Variants in TAF6 observed in about 807,000 individuals in gnomAD.
TAF6 encodes TATA-box binding protein associated factor 6, also known as transcription initiation factor TFIID subunit 6.
TAF6 carries 50 observed loss-of-function variants against 73.5 expected under a neutral mutation model. The ratio of observed to expected loss-of-function variants is 0.68; its 90% CI spans 0.54 to 0.86. The LOEUF (loss-of-function observed/expected upper bound fraction) is 0.86. Among genes scored for constraint, TAF6 ranks in the 40% least tolerant of loss-of-function variants. The pLI is 0.00. For missense variants in TAF6, 768 were observed against 899.5 expected (o/e 0.85, Z 1.87); for synonymous variants, 424 against 376.7 (o/e 1.13, Z -1.45).
intron 5 of TAF6, 90 bp downstream of exon 5, chr7:100,113,259 G>A: frequency 7.9e-7 from 1 of 1,265,298 alleles, no homozygotes; most frequent in Non-Finnish European, 1.1e-6. Flanking sequence ...CTCCAGCACA[G>A]GCAACAGAGT....
upstream of TAF6, chr7:100,119,581 C>T (rs941376095): frequency 1.6e-5 from 23 of 1,461,608 alleles, no homozygotes; most frequent in Admixed American, 5.9e-4. Context: ...GGCAGGGAAA[C>T]CCGTAGCAAC....
intron 3 of TAF6, 22 bp downstream of exon 3, chr7:100,113,846 C>G (rs201261139): frequency 1.9e-4 from 304 of 1,613,136 alleles, no homozygotes; most frequent in South Asian, 4.8e-4. Flanking sequence ...TCACCCCCCC[C>G]CCGCCTGTCT....
chr7:100,113,991 C>T lies in TAF6; in HGVS notation c.157-37G>A, dbSNP rs4134898. 194,952 of 1,614,032 alleles carry T rather than the reference C, an allele frequency of 0.12. 13,185 individuals carry two copies. The highest frequency in any genetic ancestry group is 0.14 in the Non-Finnish European group (159,441 of 1,179,958). On this transcript the variant is annotated intron_variant, in intron 2 of 14. Transcript: ENST00000453269. ...GACAGAACAGACATCAGCCCAAAAT[C>T]CTAAGGACGGGGCCCTGGGTGACAT...
intron 5 of TAF6, 25 bp downstream of exon 5, chr7:100,113,324 C>T (rs1191059897): frequency 1.3e-6 from 2 of 1,562,728 alleles, no homozygotes; most frequent in Non-Finnish European, 1.7e-6. Context: ...ACCCAGAGAC[C>T]CAGAGGGTGG....
intron 5 of TAF6, 80 bp downstream of exon 5, chr7:100,113,269 T>A (rs1209302615): frequency 2.2e-6 from 3 of 1,339,364 alleles, no homozygotes; most frequent in African/African-American, 1.5e-5. Flanking sequence ...GGCAACAGAG[T>A]GAGACTCTGT....
At chr7:100,123,104 G>A (rs2116899425), upstream of TAF6, among the ~76,000 whole-genome samples, 1 of 152,286 alleles carries the variant, frequency 6.6e-6, no homozygotes, top group Non-Finnish European at 1.5e-5. Flanking sequence ...CAATTTGGGA[G>A]GCTGAGGCAG....
chr7:100,121,822 G>A (rs928028350), upstream of TAF6, among the ~76,000 whole-genome samples: 17 of 151,264 alleles, frequency 1.1e-4, no homozygotes, highest in South Asian at 2.1e-4. Flanking sequence ...AGGCCAAGGC[G>A]GGCGGATCAC....
In TAF6 at chr7:100,108,464, G is replaced by T; in HGVS notation, c.1361C>A (p.Ser454Tyr). ...NQDAYRAEFGSLGPLLCSQVV... is the reference protein window; with the variant it reads ...NQDAYRAEFGYLGPLLCSQVV... ...CTGGGAGCAGAGGAGGGGCCCAAGG[G>T]ACCCGAATTCTGCCCGATAGGCGTC... Residue 454 changes from serine (S) to tyrosine (Y), a missense_variant, in exon 13 of 15, where the codon TCC (serine) becomes TAC (tyrosine). This residue lies in a region of TAF6 where 350 missense variants were observed against 352.3 expected (regional missense o/e 0.99). Transcript: ENST00000453269. The T allele has an allele frequency of 6.2e-7, 1 of 1,614,044 alleles. No homozygotes were observed. The highest frequency in any genetic ancestry group is 1.1e-5 in the South Asian group (1 of 91,064).
chr7:100,118,941 C>T (rs940224964), intron 1 of TAF6: 1 of 985,360 alleles, frequency 1.0e-6, no homozygotes, highest in African/African-American at 1.7e-5. Context: ...CGAACTCCTA[C>T]GAATCCTTCA....
Position 100,114,232 on chromosome 7 carries a change from C to T in TAF6, c.-23G>A. The T allele has an allele frequency of 6.2e-7, 1 of 1,613,850 alleles. No individual in the cohort carries two copies. Among genetic ancestry groups the T allele is most frequent in the Non-Finnish European group, 8.5e-7 (1 of 1,180,038 alleles). On this transcript the variant is annotated 5_prime_UTR_variant, in exon 2 of 15. Transcript: ENST00000453269. ...CATTCTGGAGTCCCTCTTCTCCTCC[C>T]TGGAAGGATGAAGCCCCCGGTGGAG...
At chr7:100,117,148 A>C (rs1324254778) in intron 1 of TAF6, among the ~76,000 whole-genome samples, 2 of 151,734 alleles carry the variant, frequency 1.3e-5, no homozygotes, top group South Asian at 4.2e-4. Flanking sequence ...CGGGAGGCTG[A>C]GGCAGGAGAA....
At chr7:100,122,669 A>G, upstream of TAF6, 1 of 1,507,720 alleles carries the variant, frequency 6.6e-7, no homozygotes, top group Non-Finnish European at 9.0e-7. Context: ...CCATCATCTC[A>G]CCATCATGGA....
chr7:100,109,403 T>G (rs1584540443), intron 12 of TAF6, among the ~76,000 whole-genome samples: 1 of 151,788 alleles, frequency 6.6e-6, no homozygotes, highest in Middle Eastern at 3.4e-3. Context: ...GGCAGGATGG[T>G]TAATCAAGAG....
rs776390355 is a variant in TAF6 at position 100,111,328 on chromosome 7, G to A, written c.901-7C>T. 48 of 1,609,790 alleles carry A rather than the reference G, an allele frequency of 3.0e-5. No homozygotes were observed. The highest frequency in any genetic ancestry group is 3.8e-5 in the Non-Finnish European group (45 of 1,176,612). Reference sequence around the variant, plus strand: ...CTGGAATCAGCTCATGGACCTAAGGGAGAAAGGGCGGGACAGCTGATTCTG... The same window carrying A: ...CTGGAATCAGCTCATGGACCTAAGGAAGAAAGGGCGGGACAGCTGATTCTG... On this transcript the variant is annotated splice_region_variant and splice_polypyrimidine_tract_variant and intron_variant, in intron 9 of 14. Transcript: ENST00000453269.
chr7:100,126,865 C>A, the TAF6 span: 3 of 154,462 alleles, frequency 1.9e-5, no homozygotes, highest in Admixed American at 1.9e-4. Context: ...GGTTGCGGAG[C>A]GGAGAACCGC....
chr7:100,119,619 T>C, upstream of TAF6: 2 of 1,585,160 alleles, frequency 1.3e-6, no homozygotes, highest in South Asian at 2.3e-5. Flanking sequence ...GGGCTGATCC[T>C]GCGCATGCGC....
intron 1 of TAF6, among the ~76,000 whole-genome samples, chr7:100,117,692 T>C (rs1220791245): frequency 6.6e-6 from 1 of 152,144 alleles, no homozygotes; most frequent in Non-Finnish European, 1.5e-5. Context: ...CAGTAAATAC[T>C]TGGTATCACT....
chr7:100,114,176 TGTTGCTAAG>T lies in TAF6; in HGVS notation c.25_33del (p.Leu9_Asn11del), dbSNP rs769438446. ...TTCATGGACTCCGAGGGCAGCACAG[TGTTGCTAAG>T]CTTCAGCTTCTTCTCCTCAGCCATT... On this transcript the variant is annotated inframe_deletion, in exon 2 of 15. Coordinates refer to ENST00000453269, the MANE Select transcript of TAF6 (RefSeq NM_139315.3). The T allele has an allele frequency of 6.2e-7, 1 of 1,614,228 alleles. No homozygotes were observed. Among genetic ancestry groups the T allele is most frequent in the Admixed American group, 1.7e-5 (1 of 60,026 alleles).
intron 9 of TAF6, 112 bp from the exon 10 acceptor site, chr7:100,111,433 G>T (rs570609910): frequency 1.6e-6 from 2 of 1,276,618 alleles, no homozygotes; most frequent in Admixed American, 2.3e-5. Context: ...GCTAACTGCA[G>T]CATCAATCTC....
Sources: gnomAD v4.1 joint callset for allele counts (sites outside exome capture counted in the v4.1 genomes callset) on GRCh38, gnomAD v4.1.1 for gene constraint, gnomAD v4.1.1 regional missense constraint, MANE v1.5 for transcripts, NCBI Gene and HGNC (gene_info 2026-07-23, HGNC 2026-07-21) for gene names.